TESC: variants seen among roughly 807,000 people sequenced by gnomAD.
TESC encodes the protein calcineurin B homologous protein 3.
A neutral mutation model predicts 31.0 loss-of-function variants in TESC; 19 were observed. That is an observed-to-expected ratio of 0.61 (90% CI 0.43 to 0.90). TESC has a LOEUF of 0.90. TESC is among the 40% of genes least tolerant of loss of function. The pLI, the probability that TESC is intolerant of heterozygous loss-of-function variation, is 0.00. For missense variants in TESC, 248 were observed against 303.8 expected, an observed-to-expected ratio of 0.82 and a Z score of 1.36; for synonymous variants, 109 against 114.8, an observed-to-expected ratio of 0.95 and a Z score of 0.32.
At chr12:117,088,774 C>A (rs1320704501) in intron 1 of TESC, among the ~76,000 whole-genome samples, 18 of 151,998 alleles carry the variant, frequency 1.2e-4, no homozygotes, top group Non-Finnish European at 4.4e-5. Context: ...CAGATTCTAC[C>A]TTCCATTACA....
chr12:117,090,972 G>A (rs556055885), intron 1 of TESC, among the ~76,000 whole-genome samples: 55 of 152,276 alleles, frequency 3.6e-4, no homozygotes, highest in Middle Eastern at 6.8e-3. Flanking sequence ...CCCTCCTCCT[G>A]GAGGCACCTG....
chr12:117,078,913 T>C (rs554762095), intron 1 of TESC, among the ~76,000 whole-genome samples: 14 of 152,326 alleles, frequency 9.2e-5, no homozygotes, highest in Non-Finnish European at 1.6e-4. Flanking sequence ...AGGGATCTCA[T>C]AAATACTGCT....
chr12:117,056,922 T>C, intron 2 of TESC, 36 bp from the exon 3 acceptor site: 1 of 1,606,020 alleles, frequency 6.2e-7, no homozygotes, highest in Non-Finnish European at 8.5e-7. Context: ...GGGAAGAGAA[T>C]AAGGAAAGAT....
chr12:117,071,446 C>G (rs563389908), intron 2 of TESC, among the ~76,000 whole-genome samples: 1 of 152,044 alleles, frequency 6.6e-6, no homozygotes, highest in South Asian at 2.1e-4. Flanking sequence ...TGGGCCTTCA[C>G]GGGGCAGGAG....
chr12:117,044,165 G>A (rs562840265), intron 6 of TESC, among the ~76,000 whole-genome samples: 35 of 152,278 alleles, frequency 2.3e-4, no homozygotes, highest in African/African-American at 8.4e-4. Context: ...TCCAGAGGCT[G>A]AGGTAGGAGG....
chr12:117,066,249 C>G (rs1292908834), intron 2 of TESC, among the ~76,000 whole-genome samples: 1 of 135,424 alleles, frequency 7.4e-6, no homozygotes, highest in Non-Finnish European at 1.5e-5. Flanking sequence ...CTCTATCGCC[C>G]AGGCTGGAGT....
At chr12:117,082,364 C>G (rs377018042) in intron 1 of TESC, among the ~76,000 whole-genome samples, 1 of 151,644 alleles carries the variant, frequency 6.6e-6, no homozygotes, top group Non-Finnish European at 1.5e-5. Context: ...ATTAGCCGGG[C>G]ATGGTGGCAG....
chr12:117,070,039 A>C (rs1954944252), intron 2 of TESC, among the ~76,000 whole-genome samples: 2 of 152,246 alleles, frequency 1.3e-5, no homozygotes, highest in African/African-American at 4.8e-5. Flanking sequence ...AGGGAACCCC[A>C]ATCAACGCCA....
intron 3 of TESC, among the ~76,000 whole-genome samples, chr12:117,050,610 T>C (rs1341344541): frequency 6.6e-6 from 1 of 152,208 alleles, no homozygotes; most frequent in Non-Finnish European, 1.5e-5. Context: ...CTCAGAAATG[T>C]GTGGTCCAGC....
At chr12:117,064,524 C>T (rs989746096) in intron 2 of TESC, among the ~76,000 whole-genome samples, 1 of 152,312 alleles carries the variant, frequency 6.6e-6, no homozygotes, top group South Asian at 2.1e-4. Context: ...AACTCAGCGA[C>T]AAGCATTCGA....
chr12:117,094,339 GAGGGTTGGC>G (rs1955362578), intron 1 of TESC, among the ~76,000 whole-genome samples: 2 of 152,328 alleles, frequency 1.3e-5, no homozygotes, highest in South Asian at 4.1e-4. Context: ...GAGATGCTGG[GAGGGTTGGC>G]AGCCGAGGAC....
Position 117,075,345 on chromosome 12 carries a change from G to A in TESC, c.59-5C>T, listed in dbSNP as rs749782986. The A allele has an allele frequency of 1.6e-5, 26 of 1,607,864 alleles. No homozygotes were observed. Among genetic ancestry groups the A allele is most frequent in the Non-Finnish European group, 2.2e-5 (26 of 1,179,524 alleles). ...GCTCGATCTGATCCGATGAGACTGAGAAGTGGGGGAAAGAGAGAAAAACAA... is the reference window on the plus strand; with the variant it reads ...GCTCGATCTGATCCGATGAGACTGAAAAGTGGGGGAAAGAGAGAAAAACAA... On this transcript the variant is annotated splice_region_variant and splice_polypyrimidine_tract_variant and intron_variant, in intron 1 of 7. Transcript: ENST00000335209.
intron 2 of TESC, among the ~76,000 whole-genome samples, chr12:117,070,298 A>T (rs1458081072): frequency 1.3e-5 from 2 of 152,082 alleles, no homozygotes; most frequent in Non-Finnish European, 2.9e-5. Flanking sequence ...AAGCTACCTC[A>T]TCTCCCTTCT....
intron 1 of TESC, among the ~76,000 whole-genome samples, chr12:117,077,402 G>C (rs547192781): frequency 8.1e-4 from 123 of 152,320 alleles, no homozygotes; most frequent in Admixed American, 3.9e-3. Flanking sequence ...CTACTTCATG[G>C]CCTAGCAATT....
rs545819335 is a variant in TESC, at chr12:117,051,442, C to G, written c.210-2284G>C. ...CTGTCCTTCCCTGGGCTCAGGAAGC[C>G]CCATCTTTATGTGTTTTCACAGGTC... On this transcript the variant is annotated intron_variant, in intron 3 of 7. Coordinates refer to ENST00000335209, the MANE Select transcript of TESC (RefSeq NM_017899.4). Among the ~76,000 whole-genome samples the G allele has an allele frequency of 3.3e-5, 5 of 152,206 alleles. No individual in the cohort carries two copies. In the East Asian group the frequency reaches 9.7e-4, roughly 29 times the overall value.
At chr12:117,085,733 C>CG (rs570464025) in intron 1 of TESC, among the ~76,000 whole-genome samples, 3 of 152,246 alleles carry the variant, frequency 2.0e-5, no homozygotes, top group Admixed American at 2.0e-4. Flanking sequence ...ACAGTGCTGC[C>CG]GGGGGAGGCT....
chr12:117,099,168 C>T (rs1233327228), intron 1 of TESC, 57 bp downstream of exon 1: 19 of 1,460,034 alleles, frequency 1.3e-5, no homozygotes, highest in South Asian at 2.6e-5. Context: ...GGGTCCCCAA[C>T]AGTGGCCGTT....
At chr12:117,040,001 C>T (rs1346994599) in intron 7 of TESC, among the ~76,000 whole-genome samples, 4 of 152,200 alleles carry the variant, frequency 2.6e-5, no homozygotes, top group Admixed American at 6.5e-5. Context: ...AACGGAGGGA[C>T]GTGGTGGGCG....
chr12:117,092,800 AAATT>A (rs1955331571), intron 1 of TESC, among the ~76,000 whole-genome samples: 4 of 152,354 alleles, frequency 2.6e-5, no homozygotes, highest in East Asian at 1.9e-4. Context: ...TCTCAAAAAC[AAATT>A]AATTTTAAAC....
Sources: allele counts gnomAD v4.1 joint callset (sites outside exome capture counted in the v4.1 genomes callset), GRCh38; gene constraint gnomAD v4.1.1; transcripts MANE v1.5; gene names NCBI Gene and HGNC (gene_info 2026-07-23, HGNC 2026-07-21).